PITPNM2: variants seen among roughly 807,000 people sequenced by gnomAD.
PITPNM2 encodes phosphatidylinositol transfer protein membrane associated 2, also known as membrane-associated phosphatidylinositol transfer protein 2.
A neutral mutation model predicts 132.2 loss-of-function variants in PITPNM2; 35 were observed. That is an observed-to-expected ratio of 0.26 (90% CI 0.20 to 0.35). The LOEUF (loss-of-function observed/expected upper bound fraction) is 0.35, where lower values mean the gene tolerates loss of function less well. Ranked by LOEUF, PITPNM2 falls within the 10% of genes least tolerant of loss-of-function variation. The pLI is 1.00. For synonymous variants in PITPNM2, 738 were observed against 799.2 expected (o/e 0.92, Z 1.29); for missense variants, 1,332 against 1,912.0 (o/e 0.70, Z 5.66).
rs2038843690 is a variant in PITPNM2, at chr12:123,004,599, A to G, written c.953-110T>C. The stretch of plus-strand genomic sequence containing the variant: ...CACCCACAGGCCTGACAGGCATCAC[A>G]GAGGCTGCCACAGGAGCCAGGAAGG... On this transcript the variant is annotated intron_variant, in intron 7 of 25. Transcript: ENST00000320201. The surrounding 1 kb of genome is among the most constrained non-coding windows in gnomAD (Gnocchi z 4.9). The G allele has an allele frequency of 1.0e-6, 1 of 979,688 alleles. No homozygotes were observed. The highest frequency in any genetic ancestry group is 1.6e-5 in the African/African-American group (1 of 62,842). The allele number at this position is 979,688 out of a possible 1,614,324, so 60.7% of individuals were successfully genotyped here. A position where few individuals can be genotyped will look rare whatever the true frequency, so the allele number is the denominator to read the frequency against.
intron 2 of PITPNM2, among the ~76,000 whole-genome samples, chr12:123,076,545 A>C (rs1031904009): frequency 1.4e-4 from 21 of 152,256 alleles, no homozygotes; most frequent in African/African-American, 5.1e-4. Context: ...TCAGGTGCTC[A>C]TGAGGCTGAA....
intron 2 of PITPNM2, among the ~76,000 whole-genome samples, chr12:123,109,527 G>T (rs1000983627): frequency 5.3e-5 from 8 of 152,212 alleles, no homozygotes; most frequent in African/African-American, 1.9e-4. Context: ...ACATCCAGAG[G>T]GATGGTGCAT....
At chr12:123,101,565 C>A (rs775926176) in intron 2 of PITPNM2, among the ~76,000 whole-genome samples, 2 of 152,208 alleles carry the variant, frequency 1.3e-5, no homozygotes, top group African/African-American at 2.4e-5. Context: ...AAAGCACAAA[C>A]CTTATTTATT....
In PITPNM2 at chr12:123,082,582, G is replaced by A. The variant is rs537238890; in HGVS notation, c.-96+27803C>T. ...CCTCCAAATAGCTGGGAATACAGGC[G>A]CCCACCACCATGCCCGGCTAATTTT... On this transcript the variant is annotated intron_variant, in intron 2 of 25. Coordinates refer to ENST00000320201, the MANE Select transcript of PITPNM2 (RefSeq NM_020845.3). This position sits in a 1 kb window ranked among gnomAD's most constrained non-coding sequence, Gnocchi z 5.4. Among the ~76,000 whole-genome samples the A allele has an allele frequency of 2.0e-5, 3 of 152,026 alleles. No homozygotes were observed. The highest frequency in any genetic ancestry group is 1.9e-4 in the East Asian group (1 of 5,192).
intron 2 of PITPNM2, chr12:123,084,790 A>G (rs1270891509): frequency 3.9e-5 from 6 of 152,236 alleles, no homozygotes; most frequent in Non-Finnish European, 7.3e-5. Flanking sequence ...GAAGAAGAAA[A>G]TGTTTTCTTA....
At position 123,082,660 on chromosome 12, in the gene PITPNM2, T is replaced by G. The variant is rs930546590; in HGVS notation, c.-96+27725A>C. On this transcript the variant is annotated intron_variant, in intron 2 of 25. Transcript: ENST00000320201. This position sits in a 1 kb window ranked among gnomAD's most constrained non-coding sequence, Gnocchi z 5.4. ...CATGTTGGTCAGGCTGGTCTCAAAC[T>G]CCTGACCTCAACTGATCCGCCCGCC... 1 of 152,200 alleles carries G rather than the reference T, an allele frequency of 6.6e-6. No homozygotes were observed. The highest frequency in any genetic ancestry group is 1.5e-5 in the Non-Finnish European group (1 of 68,046). The allele number at this position is 152,200 out of a possible 1,614,324, so 9.4% of individuals were successfully genotyped here.
intron 3 of PITPNM2, among the ~76,000 whole-genome samples, chr12:123,026,689 C>A (rs1005871211): frequency 2.0e-5 from 3 of 152,192 alleles, no homozygotes; most frequent in African/African-American, 7.2e-5. Flanking sequence ...CGCAGAAGCC[C>A]CTGCCCACTC....
At chr12:122,991,706 A>G in intron 16 of PITPNM2, 1 of 1,291,558 alleles carries the variant, frequency 7.7e-7, no homozygotes, top group Non-Finnish European at 9.8e-7. Context: ...CCTGAGGACC[A>G]GGTCAACCAA....
In PITPNM2 at chr12:123,034,665, G is replaced by T; in HGVS notation, c.-75C>A. 7.5e-7 allele frequency: 1 copy of T among 1,335,322 alleles called. No homozygotes were observed. The highest frequency in any genetic ancestry group is 1.1e-6 in the Non-Finnish European group (1 of 927,696). The allele number at this position is 1,335,322 out of a possible 1,614,324, so 82.7% of individuals were successfully genotyped here. On this transcript the variant is annotated 5_prime_UTR_variant, in exon 3 of 26. Coordinates refer to ENST00000320201, the MANE Select transcript of PITPNM2 (RefSeq NM_020845.3). ...TAGGCAAGGTTCCTTAAATAACCAT[G>T]ACAAAATTCACCAAGGACCCCTGGG...
chr12:123,141,572 A>T (rs1257545493), intron 1 of PITPNM2, among the ~76,000 whole-genome samples: 1 of 151,970 alleles, frequency 6.6e-6, no homozygotes, highest in Non-Finnish European at 1.5e-5. Context: ...TCTCCTGGAG[A>T]GGGAAGAGCA....
Position 123,013,869 on chromosome 12 carries a change from C to T in PITPNM2, c.252G>A (p.Val84=). Residue 84 remains valine (V), a synonymous_variant, in exon 4 of 26, where the codon GTG becomes GTA. Coordinates refer to ENST00000320201, the MANE Select transcript of PITPNM2 (RefSeq NM_020845.3). The part of the protein sequence containing the change: ...RSILPKAALR[V]VEESWNAYPY... ...GGTAGGCATTCCAAGACTCCTCCACCACCCGCAGGGCTGCCTTGGGCAGGA... is the reference window on the plus strand; with the variant it reads ...GGTAGGCATTCCAAGACTCCTCCACTACCCGCAGGGCTGCCTTGGGCAGGA... 3 of 1,614,274 alleles carry T rather than the reference C, an allele frequency of 1.9e-6. No individual in the cohort carries two copies. The highest frequency in any genetic ancestry group is 2.5e-6 in the Non-Finnish European group (3 of 1,180,052).
intron 20 of PITPNM2, 82 bp downstream of exon 20, chr12:122,988,152 T>G (rs2038018713): frequency 7.2e-6 from 9 of 1,256,702 alleles, no homozygotes; most frequent in Non-Finnish European, 9.2e-6. Flanking sequence ...CAGGCTTCCC[T>G]GCAACTCAGT....
intron 2 of PITPNM2, among the ~76,000 whole-genome samples, chr12:123,096,235 C>T (rs2042407330): frequency 6.6e-6 from 1 of 152,238 alleles, no homozygotes; most frequent in Non-Finnish European, 1.5e-5. Flanking sequence ...CCAGCAAGCA[C>T]ACCCAGGCAC....
rs1377636466 is a variant in PITPNM2, at chr12:123,005,865, A to T, written c.644-317T>A. ...GTAATCCCAACACTTTGGGAGGATT[A>T]GGTGGGAGGACAGCTTGAGTCCAAG... On this transcript the variant is annotated intron_variant, in intron 6 of 25. Coordinates refer to ENST00000320201, the MANE Select transcript of PITPNM2 (RefSeq NM_020845.3). This position sits in a 1 kb window ranked among gnomAD's most constrained non-coding sequence, Gnocchi z 6.2. The T allele has an allele frequency of 1.2e-5, 4 of 324,336 alleles. No homozygotes were observed. Among genetic ancestry groups the T allele is most frequent in the Non-Finnish European group, 1.7e-5 (3 of 176,694 alleles). 20.1% of individuals were successfully genotyped at this position (324,336 alleles called of 1,614,324 possible). A position where few individuals can be genotyped will look rare whatever the true frequency, so the allele number is the denominator to read the frequency against.
Position 122,985,840 on chromosome 12 carries a change from C to G in PITPNM2, c.*187G>C, listed in dbSNP as rs1364281270. On this transcript the variant is annotated 3_prime_UTR_variant, in exon 26 of 26. Transcript: ENST00000320201. ...GTCCCTGCCAGCTTCCATGACAAGCCGGACCCGTCAGGCCCGAGGACGTGA... is the reference window on the plus strand; with the variant it reads ...GTCCCTGCCAGCTTCCATGACAAGCGGGACCCGTCAGGCCCGAGGACGTGA... The G allele has an allele frequency of 1.4e-5, 7 of 510,952 alleles. No homozygotes were observed. In the East Asian group the frequency reaches 1.8e-4, roughly 13 times the overall value. 31.7% of individuals were successfully genotyped at this position (510,952 alleles called of 1,614,324 possible). A position where few individuals can be genotyped will look rare whatever the true frequency, so the allele number is the denominator to read the frequency against.
At chr12:123,062,865 A>G (rs1158131286) in intron 2 of PITPNM2, among the ~76,000 whole-genome samples, 1 of 152,186 alleles carries the variant, frequency 6.6e-6, no homozygotes, top group Non-Finnish European at 1.5e-5. Flanking sequence ...CCAACTGCAT[A>G]TCACCCCTGC....
rs1039058560 is a variant in PITPNM2 at position 122,992,436 on chromosome 12, G to A, written c.2404+63C>T. 3.3e-6 allele frequency: 5 copies of A among 1,535,430 alleles called. No homozygotes were observed. Among genetic ancestry groups the A allele is most frequent in the South Asian group, 1.2e-5 (1 of 81,176 alleles). On this transcript the variant is annotated intron_variant, in intron 16 of 25. Coordinates refer to ENST00000320201, the MANE Select transcript of PITPNM2 (RefSeq NM_020845.3). The surrounding 1 kb of genome is among the most constrained non-coding windows in gnomAD (Gnocchi z 6.5). ...GAACCACGTAGCATGGAGGACCTAG[G>A]AGCCAGGGAGCCACGCTTACCCCAC...
At chr12:123,129,174 A>G (rs2043209661) in intron 1 of PITPNM2, among the ~76,000 whole-genome samples, 1 of 151,558 alleles carries the variant, frequency 6.6e-6, no homozygotes, top group Admixed American at 6.6e-5. Flanking sequence ...GGTGGCGCAC[A>G]CTTGTAGTCC....
chr12:123,055,860 C>G (rs1429907799), intron 2 of PITPNM2, among the ~76,000 whole-genome samples: 5 of 151,970 alleles, frequency 3.3e-5, no homozygotes, highest in Admixed American at 1.3e-4. Flanking sequence ...TCCATAAAAG[C>G]ATCCCCAATA....
Sources: gnomAD v4.1 joint callset for allele counts (sites outside exome capture counted in the v4.1 genomes callset) on GRCh38, gnomAD v4.1.1 for gene constraint, Gnocchi (gnomAD v3.1) non-coding constraint, MANE v1.5 for transcripts, NCBI Gene and HGNC (gene_info 2026-07-23, HGNC 2026-07-21) for gene names.